Variants in IGBP1 observed in about 807,000 individuals in gnomAD.
IGBP1 encodes immunoglobulin binding protein 1.
IGBP1 carries 2 observed loss-of-function variants against 25.9 expected under a neutral mutation model. That is an observed-to-expected ratio of 0.08 (90% CI 0.03 to 0.24). The LOEUF is 0.24. Among genes scored for constraint, IGBP1 ranks in the 10% least tolerant of loss-of-function variants. The pLI is 1.00. For missense variants in IGBP1, 187 were observed against 260.4 expected (o/e 0.72, Z 1.94); for synonymous variants, 96 against 93.4 (o/e 1.03, Z -0.16).
chrX:70,154,507 A>G (rs1434625004), intron 6 of IGBP1, among the ~76,000 whole-genome samples: 1 of 107,873 alleles, frequency 9.3e-6, no homozygotes, highest in South Asian at 4.0e-4. Context: ...GATACTTGCA[A>G]AAGACTTATC....
At chrX:70,134,397 C>G in intron 2 of IGBP1, 126 bp from the exon 3 acceptor site, 2 of 723,544 alleles carry the variant, frequency 2.8e-6, no homozygotes, top group South Asian at 4.7e-5. Context: ...TGAAACTGGC[C>G]GCTGTTCCCC....
intron 6 of IGBP1, among the ~76,000 whole-genome samples, chrX:70,163,643 A>G (rs183395229): frequency 8.9e-6 from 1 of 111,862 alleles, no homozygotes; most frequent in Non-Finnish European, 1.9e-5. Flanking sequence ...AGACAGAGAT[A>G]TTTACATGCC....
At chrX:70,136,721 TA>T (rs1182312894) in intron 3 of IGBP1, among the ~76,000 whole-genome samples, 3,879 of 107,676 alleles carry the variant, frequency 0.036, 174 homozygotes, top group African/African-American at 0.13. Flanking sequence ...TTATTATTAT[TA>T]TTATTATACA....
At chrX:70,147,721 C>T (rs1419289851) in intron 4 of IGBP1, among the ~76,000 whole-genome samples, 1 of 111,769 alleles carries the variant, frequency 8.9e-6, no homozygotes, top group Non-Finnish European at 1.9e-5. Flanking sequence ...ACATCATAAC[C>T]CTGTTTTGGA....
chrX:70,138,712 C>T (rs1487187356), intron 3 of IGBP1, among the ~76,000 whole-genome samples: 1 of 111,227 alleles, frequency 9.0e-6, no homozygotes, highest in Non-Finnish European at 1.9e-5. Context: ...TTTAACCTAA[C>T]ATTATACCAT....
chrX:70,157,147 A>C (rs1324568047), intron 6 of IGBP1, among the ~76,000 whole-genome samples: 1 of 111,270 alleles, frequency 9.0e-6, no homozygotes, highest in East Asian at 2.8e-4. Context: ...AAAGTACAGC[A>C]TCAGAATTTA....
chrX:70,142,917 T>C (rs1299231200), intron 3 of IGBP1, among the ~76,000 whole-genome samples: 1 of 12,787 alleles, frequency 7.8e-5, no homozygotes, highest in Non-Finnish European at 3.3e-4. Context: ...TATCGAGTTG[T>C]TTTTTTTTTT....
intron 3 of IGBP1, among the ~76,000 whole-genome samples, chrX:70,141,200 A>G (rs1192383773): frequency 9.1e-6 from 1 of 110,473 alleles, no homozygotes; most frequent in Non-Finnish European, 1.9e-5. Flanking sequence ...AAAAAAATTT[A>G]GCTGGGCCTG....
intron 6 of IGBP1, among the ~76,000 whole-genome samples, chrX:70,160,690 A>G (rs960537158): frequency 1.8e-5 from 2 of 112,225 alleles, no homozygotes; most frequent in Non-Finnish European, 3.8e-5. Context: ...TAGAATTAAG[A>G]TGAAATGAGG....
At chrX:70,148,646 A>C (rs1365273888) in intron 4 of IGBP1, 115 bp from the exon 5 acceptor site, 1 of 543,883 alleles carries the variant, frequency 1.8e-6, no homozygotes, top group East Asian at 3.7e-5. Context: ...ACTGATAAAT[A>C]GAAAGTGAGT....
rs370181212 is a variant in IGBP1, at chrX:70,165,784, T to C, written c.872-49T>C. ...GAACTGAGGCCCCTGACGTTACTTA[T>C]TAACATTCCCTCAATTTCTCACCTC... is the stretch of plus-strand genomic sequence containing the variant. On this transcript the variant is annotated intron_variant, in intron 6 of 6. Transcript: ENST00000356413. 1.1e-5 allele frequency: 13 copies of C among 1,132,451 alleles called. No homozygotes were observed. The Admixed American group carries it at 1.2e-4, about 11-fold the overall frequency. The allele number at this position is 1,132,451 out of a possible 1,213,427, so 93.3% of individuals were successfully genotyped here.
At chrX:70,148,736 C>T in intron 4 of IGBP1, 25 bp from the exon 5 acceptor site, 1 of 1,091,608 alleles carries the variant, frequency 9.2e-7, no homozygotes, top group South Asian at 1.9e-5. Context: ...GCAAATTCAC[C>T]TCTCATAATT....
Position 70,133,894 on chromosome X carries a change from C to G in IGBP1, c.-54C>G, listed in dbSNP as rs1199633596. The G allele has an allele frequency of 3.6e-6, 4 of 1,100,141 alleles. No individual in the cohort carries two copies. The African/African-American group carries it at 7.3e-5, about 20-fold the overall frequency. 90.7% of individuals were successfully genotyped at this position (1,100,141 alleles called of 1,213,427 possible). ...CCGCGCTCGCCTAATTCTTCTTTAT[C>G]AAGGTTGCCTTTGACCCCGGAAAAG... On this transcript the variant is annotated 5_prime_UTR_variant, in exon 2 of 7. In the 5' UTR this introduces an upstream ATG that the reference lacks. Transcript: ENST00000356413.
At chrX:70,139,591 A>G (rs1422314347) in intron 3 of IGBP1, among the ~76,000 whole-genome samples, 2 of 111,153 alleles carry the variant, frequency 1.8e-5, no homozygotes, top group Non-Finnish European at 3.8e-5. Context: ...TAACCCCCAA[A>G]TGTGCCTCCT....
At chrX:70,136,927 G>A (rs1377507171) in intron 3 of IGBP1, among the ~76,000 whole-genome samples, 3 of 110,544 alleles carry the variant, frequency 2.7e-5, no homozygotes, top group African/African-American at 3.3e-5. Flanking sequence ...GGCTGGTCTC[G>A]AACTCCTGAT....
intron 6 of IGBP1, among the ~76,000 whole-genome samples, chrX:70,154,299 C>A (rs1244631793): frequency 3.8e-5 from 4 of 106,108 alleles, no homozygotes; most frequent in African/African-American, 1.0e-4. Context: ...GTCTCGATCT[C>A]CTGACCTTGT....
At chrX:70,144,318 A>T (rs1338905740) in intron 3 of IGBP1, among the ~76,000 whole-genome samples, 1 of 112,330 alleles carries the variant, frequency 8.9e-6, no homozygotes, top group Non-Finnish European at 1.9e-5. Context: ...AAAGAACCTT[A>T]TTCAGAGGAC....
chrX:70,149,292 A>G (rs1197611276), intron 5 of IGBP1, among the ~76,000 whole-genome samples: 2 of 110,615 alleles, frequency 1.8e-5, no homozygotes, highest in African/African-American at 6.6e-5. Context: ...AAGGGATATT[A>G]TCTTTCCTGA....
intron 1 of IGBP1, 54 bp downstream of exon 1, chrX:70,133,594 C>G: frequency 2.5e-6 from 1 of 401,310 alleles, no homozygotes; most frequent in Non-Finnish European, 4.3e-6. Context: ...CCGCACTCCT[C>G]GCGCTCCGAA....
Sources: allele counts gnomAD v4.1 joint callset (sites outside exome capture counted in the v4.1 genomes callset), GRCh38; gene constraint gnomAD v4.1.1; transcripts MANE v1.5; gene names NCBI Gene and HGNC (gene_info 2026-07-23, HGNC 2026-07-21).